Variants in EZH2 observed in about 807,000 individuals in gnomAD.
EZH2 encodes the protein enhancer of zeste 2 polycomb repressive complex 2 subunit.
Under a neutral mutation model 98.4 loss-of-function variants are expected in EZH2, and 18 were observed. The observed-to-expected ratio is 0.18, with a 90% CI of 0.13 to 0.27. EZH2 has a LOEUF of 0.27. Among genes scored for constraint, EZH2 ranks in the 10% least tolerant of loss-of-function variants. The probability of loss-of-function intolerance (pLI) is 1.00; values close to 1 mark genes in which losing one functional copy is unlikely to be tolerated. For synonymous variants in EZH2, 338 were observed against 312.3 expected, an observed-to-expected ratio of 1.08 and a Z score of -0.87; for missense variants, 470 against 935.1, an observed-to-expected ratio of 0.50 and a Z score of 6.49.
At chr7:148,808,606 C>T (rs1055136133) in intron 19 of EZH2, among the ~76,000 whole-genome samples, 2 of 152,180 alleles carry the variant, frequency 1.3e-5, no homozygotes, top group African/African-American at 4.8e-5. Context: ...TTGCCAACAG[C>T]CCCTTTTAAA....
rs537327194 is a variant in EZH2 at position 148,846,209 on chromosome 7, C to CT, written c.246+260dup. Among the ~76,000 whole-genome samples, 274 of 148,616 alleles carry CT rather than the reference C, an allele frequency of 1.8e-3. 1 individual carries two copies. The highest frequency in any genetic ancestry group is 5.5e-3 in the African/African-American group (221 of 40,520). Reference sequence around the variant, plus strand: ...CATTAAAGAGTATTTGATTTAAAAGCTTTTTTTTTTAAATCAACATTCTTA... The same window carrying CT: ...CATTAAAGAGTATTTGATTTAAAAGCTTTTTTTTTTTAAATCAACATTCTTA... On this transcript the variant is annotated intron_variant, in intron 3 of 19. Transcript: ENST00000320356.
At chr7:148,811,825 A>C in intron 15 of EZH2, 105 bp from the exon 16 acceptor site, 1 of 961,858 alleles carries the variant, frequency 1.0e-6, no homozygotes, top group South Asian at 1.5e-5. Flanking sequence ...GTAAATCCTC[A>C]GACCTGTTTG....
intron 1 of EZH2, chr7:148,883,218 A>G (rs936632215): frequency 6.6e-5 from 10 of 152,378 alleles, no homozygotes; most frequent in African/African-American, 2.2e-4. Context: ...CAAGTTTTCC[A>G]AAAGATCGTG....
At position 148,846,578 on chromosome 7, in the gene EZH2, A is replaced by G. The variant is rs2129485033; in HGVS notation, c.138T>C (p.Arg46=). The change falls in exon 3 of 20, where the codon CGT becomes CGC. Residue 46 remains arginine, a synonymous_variant. Transcript: ENST00000320356. ...TTTCCGTTCTTTCCAAAATTTTCTG[A>G]CGATTGGAACTAAACATACTCTTAA... ...DEVKSMFSSN[R]QKILERTEIL... The G allele has an allele frequency of 6.2e-7, 1 of 1,606,540 alleles. No individual in the cohort carries two copies. Among genetic ancestry groups the G allele is most frequent in the Non-Finnish European group, 8.5e-7 (1 of 1,178,486 alleles).
intron 3 of EZH2, among the ~76,000 whole-genome samples, chr7:148,839,827 G>C (rs1049586484): frequency 6.6e-6 from 1 of 152,082 alleles, no homozygotes; most frequent in Non-Finnish European, 1.5e-5. Flanking sequence ...GATTACAGGC[G>C]TGAGCCACTG....
chr7:148,813,055 A>ACACACGCG (rs777380410), intron 15 of EZH2, among the ~76,000 whole-genome samples: 1 of 100,298 alleles, frequency 1.0e-5, no homozygotes, highest in African/African-American at 4.1e-5. Context: ...CCCCACATAC[A>ACACACGCG]CACACACACA....
chr7:148,870,777 A>C (rs991030730), intron 1 of EZH2, among the ~76,000 whole-genome samples: 4 of 152,048 alleles, frequency 2.6e-5, no homozygotes, highest in Admixed American at 2.6e-4. Flanking sequence ...AAAAATGCAA[A>C]AATTAGCCAG....
At chr7:148,816,990 T>C in intron 11 of EZH2, 1 of 597,812 alleles carries the variant, frequency 1.7e-6, no homozygotes, top group Non-Finnish European at 2.9e-6. Flanking sequence ...CAATTCTTAC[T>C]AGCTTTTAAA....
At chr7:148,873,019 A>T (rs1819640040) in intron 1 of EZH2, among the ~76,000 whole-genome samples, 1 of 152,218 alleles carries the variant, frequency 6.6e-6, no homozygotes. Context: ...TACAAAAAAT[A>T]AAAAATGTAA....
chr7:148,879,117 C>T (rs1157605798), intron 1 of EZH2, among the ~76,000 whole-genome samples: 1 of 142,334 alleles, frequency 7.0e-6, no homozygotes, highest in African/African-American at 2.6e-5. Flanking sequence ...CCCAGCTACT[C>T]GGGAGGCTGA....
At chr7:148,813,046 C>T (rs1326587792) in intron 15 of EZH2, among the ~76,000 whole-genome samples, 1 of 136,576 alleles carries the variant, frequency 7.3e-6, no homozygotes, top group Non-Finnish European at 1.6e-5. Flanking sequence ...TACTCTACAC[C>T]CCACATACAC....
chr7:148,836,825 A>G (rs1327634635), intron 3 of EZH2: 1 of 498,878 alleles, frequency 2.0e-6, no homozygotes, highest in Non-Finnish European at 4.0e-6. Context: ...GACTTACATC[A>G]ACCAGCTGGT....
chr7:148,840,206 T>G (rs1270258454), intron 3 of EZH2, among the ~76,000 whole-genome samples: 1 of 152,168 alleles, frequency 6.6e-6, no homozygotes, highest in East Asian at 1.9e-4. Context: ...TTCTACAGAA[T>G]TACTCAAAAG....
At chr7:148,846,665 T>A (rs2129485140) in intron 2 of EZH2, 67 bp from the exon 3 acceptor site, 1 of 1,403,414 alleles carries the variant, frequency 7.1e-7, no homozygotes, top group Non-Finnish European at 9.8e-7. Context: ...ATAACACCTG[T>A]AAAGCAGGTT....
rs1318022205 is a variant in EZH2, at chr7:148,814,979, T to C, written c.1607A>G (p.Asp536Gly). 4.3e-6 allele frequency: 7 copies of C among 1,613,986 alleles called. No individual in the cohort carries two copies. Among genetic ancestry groups the C allele is most frequent in the Non-Finnish European group, 5.9e-6 (7 of 1,180,018 alleles). ...TGCTATCACACAAGGGCACGAACTGTCACAAGGCTGCCGTGGATGATCACA... is the reference window on the plus strand; with the variant it reads ...TGCTATCACACAAGGGCACGAACTGCCACAAGGCTGCCGTGGATGATCACA... ...QPCDHPRQPCDSSCPCVIAQN... is the reference protein window; with the variant it reads ...QPCDHPRQPCGSSCPCVIAQN... The change falls in exon 14 of 20, where the codon GAC (aspartate) becomes GGC (glycine). Residue 536 changes from aspartate to glycine, a missense_variant. Asp to Gly is a moderately conservative substitution (Grantham distance 94). Around this residue, in one of 6 missense-constraint regions of EZH2, gnomAD observed 106 missense variants for 327.2 expected, o/e 0.32. Coordinates refer to ENST00000320356, the MANE Select transcript of EZH2 (RefSeq NM_004456.5).
At position 148,817,899 on chromosome 7, in the gene EZH2, T is replaced by C. The variant is rs1805011556; in HGVS notation, c.1218A>G (p.Lys406=). 6.2e-7 allele frequency: 1 copy of C among 1,614,112 alleles called. No homozygotes were observed. Among genetic ancestry groups the C allele is most frequent in the Admixed American group, 1.7e-5 (1 of 60,004 alleles). The change falls in exon 10 of 20, where the codon AAA becomes AAG. Residue 406 remains lysine, a synonymous_variant. Transcript: ENST00000320356. ...ENNDKEEEEK[K]DETSSSSEAN... is the part of the protein sequence containing the mutation. ...TACCAGAGGAGCTCGAAGTTTCATC[T>C]TTCTTCTCTTCTTCTTCTTTATCAT...
At chr7:148,824,054 C>T (rs531154512) in intron 8 of EZH2, among the ~76,000 whole-genome samples, 9 of 152,048 alleles carry the variant, frequency 5.9e-5, no homozygotes, top group Admixed American at 1.3e-4. Flanking sequence ...GTAGCTCACA[C>T]CTGTAGTCCC....
chr7:148,866,598 A>G (rs949462383), intron 1 of EZH2, among the ~76,000 whole-genome samples: 4 of 147,092 alleles, frequency 2.7e-5, no homozygotes, highest in African/African-American at 9.9e-5. Flanking sequence ...TGTATACACT[A>G]TATATTATAT....
At chr7:148,856,440 C>G (rs1816849974) in intron 1 of EZH2, among the ~76,000 whole-genome samples, 1 of 152,144 alleles carries the variant, frequency 6.6e-6, no homozygotes. Flanking sequence ...TATGCACATG[C>G]AGGTTAGCTG....
Sources: allele counts gnomAD v4.1 joint callset (sites outside exome capture counted in the v4.1 genomes callset), GRCh38; gene constraint gnomAD v4.1.1; regional missense constraint gnomAD v4.1.1; transcripts MANE v1.5; gene names NCBI Gene and HGNC (gene_info 2026-07-23, HGNC 2026-07-21).